IFT140: variants seen among roughly 807,000 people sequenced by gnomAD.
The protein encoded by IFT140 is intraflagellar transport protein 140 homolog.
In IFT140, 133 loss-of-function variants were observed where a neutral mutation model predicts 164.6. That is an observed-to-expected ratio of 0.81 (90% confidence interval 0.70 to 0.93). IFT140 has a LOEUF of 0.93. Ranked by LOEUF, IFT140 falls within the 40% of genes least tolerant of loss-of-function variation. The pLI, the probability that IFT140 is intolerant of heterozygous loss-of-function variation, is 0.00. For missense variants in IFT140, 2,045 were observed against 1,972.3 expected (o/e 1.04, Z -0.70); for synonymous variants, 860 against 817.3 (o/e 1.05, Z -0.89).
rs369222751 is a variant in IFT140 at position 1,542,432 on chromosome 16, C to G, written c.2399+15503G>C. 2.0e-5 allele frequency among the ~76,000 whole-genome samples: 3 copies of G among 152,248 alleles called. No individual in the cohort carries two copies. The East Asian group carries it at 5.8e-4, about 29-fold the overall frequency. On this transcript the variant is annotated intron_variant, in intron 19 of 30. Transcript: ENST00000426508. ...CACATGGGGCAGCCTGGGTCCTGCC[C>G]CTTCCTCAATGCTGAGGCAGCTGGT...
At chr16:1,572,391 A>G (rs1160254031) in intron 13 of IFT140, among the ~76,000 whole-genome samples, 2 of 152,248 alleles carry the variant, frequency 1.3e-5, no homozygotes, top group Non-Finnish European at 2.9e-5. Flanking sequence ...TCACGCCTGT[A>G]ATCCCAGCAC....
In IFT140 at chr16:1,595,691, A is replaced by G. The variant is rs117764346; in HGVS notation, c.370-3103T>C. Among the ~76,000 whole-genome samples the G allele has an allele frequency of 5.8e-4, 89 of 152,302 alleles. 1 individual carries two copies. In the East Asian group the frequency reaches 0.017, roughly 28 times the overall value. ...AAAATAGCATGTGGCATGTAAGTAC[A>G]CGTCATAGGAATAGTGTATATTATC... is the stretch of plus-strand genomic sequence containing the variant. On this transcript the variant is annotated intron_variant, in intron 4 of 30. Transcript: ENST00000426508.
chr16:1,587,739 C>T (rs557343991), intron 8 of IFT140, among the ~76,000 whole-genome samples, 194 bp downstream of exon 8: 22 of 152,268 alleles, frequency 1.4e-4, no homozygotes, highest in African/African-American at 2.6e-4. Context: ...TGCAGTGGGG[C>T]GGGCAGGGAC....
rs752580310 is a variant in IFT140, at chr16:1,564,672, A to G, written c.1902-510T>C. 1.3e-5 allele frequency among the ~76,000 whole-genome samples: 2 copies of G among 152,176 alleles called. No homozygotes were observed. Among genetic ancestry groups the G allele is most frequent in the African/African-American group, 2.4e-5 (1 of 41,458 alleles). ...CAACAAAATGCTGTGGGGAAACACA[A>G]TGATGTGCCGGCAGACGACACACAA... On this transcript the variant is annotated intron_variant, in intron 16 of 30. Coordinates refer to ENST00000426508, the MANE Select transcript of IFT140 (RefSeq NM_014714.4). This position sits in a 1 kb window ranked among gnomAD's most constrained non-coding sequence, Gnocchi z 5.5.
At chr16:1,576,484 C>A (rs1270663680) in intron 13 of IFT140, among the ~76,000 whole-genome samples, 4 of 150,356 alleles carry the variant, frequency 2.7e-5, no homozygotes, top group Non-Finnish European at 5.9e-5. Flanking sequence ...CCCAGCTACT[C>A]GGGAGGCTGA....
At chr16:1,603,122 C>G (rs1307221168) in intron 3 of IFT140, among the ~76,000 whole-genome samples, 2 of 152,202 alleles carry the variant, frequency 1.3e-5, no homozygotes, top group African/African-American at 2.4e-5. Context: ...TTGTGCTCAG[C>G]TGGCAACCCC....
rs1319309528 is a variant in IFT140 at position 1,554,182 on chromosome 16, C to G, written c.2399+3753G>C. The G allele has an allele frequency of 4.0e-5, 49 of 1,239,948 alleles. No individual in the cohort carries two copies. In the Middle Eastern group the frequency reaches 1.7e-3, roughly 44 times the overall value. The allele number at this position is 1,239,948 out of a possible 1,614,324, so 76.8% of individuals were successfully genotyped here. ...GACAAGGCCCTGGCCCCATCTCCGCCCTGCCTGAGCTGCAGACTCCAGGCC... is the reference window on the plus strand; with the variant it reads ...GACAAGGCCCTGGCCCCATCTCCGCGCTGCCTGAGCTGCAGACTCCAGGCC... On this transcript the variant is annotated intron_variant, in intron 19 of 30. Transcript: ENST00000426508.
intron 4 of IFT140, among the ~76,000 whole-genome samples, chr16:1,596,013 G>A (rs993109496): frequency 3.0e-4 from 45 of 152,096 alleles, no homozygotes; most frequent in African/African-American, 1.1e-3. Context: ...CCAAGATCCC[G>A]CCACTGCACT....
chr16:1,557,982 G>A lies in IFT140; in HGVS notation c.2352C>T (p.Thr784=). The change falls in exon 19 of 31, where the codon ACC becomes ACT. Residue 784 remains threonine, a synonymous_variant. Coordinates refer to ENST00000426508, the MANE Select transcript of IFT140 (RefSeq NM_014714.4). ...TGAAGGCTTCGTCCATGTCTCCTAT[G>A]GTGACAAAGAAGCTGAAGTGGAGCA... ...DAMLHFSFFV[T]IGDMDEAFKS... 3 of 1,613,928 alleles carry A rather than the reference G, an allele frequency of 1.9e-6. No individual in the cohort carries two copies. Among genetic ancestry groups the A allele is most frequent in the Middle Eastern group, 1.7e-4 (1 of 5,856 alleles).
Position 1,589,537 on chromosome 16 carries a change from G to A in IFT140, c.810+68C>T, listed in dbSNP as rs1204888403. The A allele has an allele frequency of 2.7e-5, 41 of 1,521,674 alleles. 1 individual carries two copies. The South Asian group carries it at 3.5e-4, about 13-fold the overall frequency. The allele number at this position is 1,521,674 out of a possible 1,614,324, so 94.3% of individuals were successfully genotyped here. A position where few individuals can be genotyped will look rare whatever the true frequency, so the allele number is the denominator to read the frequency against. On this transcript the variant is annotated intron_variant, in intron 7 of 30. Transcript: ENST00000426508. ...CTTGCTATCCAGAAGAGAAAGGGCC[G>A]TCAACGAGGCCAGAGAGAACCTGGC...
At chr16:1,512,028 G>A (rs542619874) in intron 30 of IFT140, among the ~76,000 whole-genome samples, 113 of 151,038 alleles carry the variant, frequency 7.5e-4, no homozygotes, top group Non-Finnish European at 1.5e-3. Context: ...GGCCTGGTGC[G>A]TGTGACTGCT....
chr16:1,609,799 T>C (rs567361089), intron 2 of IFT140, among the ~76,000 whole-genome samples: 2 of 152,332 alleles, frequency 1.3e-5, no homozygotes, highest in Non-Finnish European at 2.9e-5. Flanking sequence ...GACAATAAAA[T>C]AGTTATGTAC....
intron 16 of IFT140, 141 bp downstream of exon 16, chr16:1,566,020 T>A (rs2033692761): frequency 2.8e-6 from 2 of 708,478 alleles, no homozygotes; most frequent in Admixed American, 4.6e-5. Context: ...AGAGTGTGCT[T>A]CTGTTTTCCT....
intron 19 of IFT140, among the ~76,000 whole-genome samples, chr16:1,543,121 G>A (rs111483209): frequency 6.6e-6 from 1 of 152,356 alleles, no homozygotes; most frequent in African/African-American, 2.4e-5. Context: ...GGTGCCCGCA[G>A]AGACAGGGAC....
rs188044216 is a variant in IFT140 at position 1,528,405 on chromosome 16, A to G, written c.2400-1609T>C. Among the ~76,000 whole-genome samples, 274 of 146,976 alleles carry G rather than the reference A, an allele frequency of 1.9e-3. 1 individual carries two copies. Among genetic ancestry groups the G allele is most frequent in the Non-Finnish European group, 2.8e-3 (187 of 67,132 alleles). ...CACGTGTGCACACACACGGATGCACACACATGGACGCACATGCACACACAG... is the reference window on the plus strand; with the variant it reads ...CACGTGTGCACACACACGGATGCACGCACATGGACGCACATGCACACACAG... On this transcript the variant is annotated intron_variant, in intron 19 of 30. Transcript: ENST00000426508.
rs778119130 is a variant in IFT140 at position 1,583,412 on chromosome 16, G to A, written c.1360-26C>T. 10 of 1,609,072 alleles carry A rather than the reference G, an allele frequency of 6.2e-6. No homozygotes were observed. In the South Asian group the frequency reaches 9.9e-5, roughly 16 times the overall value. On this transcript the variant is annotated intron_variant, in intron 11 of 30. Coordinates refer to ENST00000426508, the MANE Select transcript of IFT140 (RefSeq NM_014714.4). Reference sequence around the variant, plus strand: ...CTGAAAAGAACCACGGACATTCGAGGCAAAGGGCGGGAAAAGTGAGGTGCA... The same window carrying A: ...CTGAAAAGAACCACGGACATTCGAGACAAAGGGCGGGAAAAGTGAGGTGCA...
At chr16:1,587,131 T>C (rs1319031294) in intron 9 of IFT140, 67 bp downstream of exon 9, 1 of 1,002,740 alleles carries the variant, frequency 1.0e-6, no homozygotes, top group Non-Finnish European at 1.6e-6. Context: ...ACTACCATTA[T>C]TTTGCAGCCG....
chr16:1,565,030 G>A (rs186162465), intron 16 of IFT140, among the ~76,000 whole-genome samples: 3 of 152,318 alleles, frequency 2.0e-5, no homozygotes, highest in East Asian at 1.9e-4. Context: ...AGGTGAGACC[G>A]GCCTGGTACG....
chr16:1,606,893 C>T (rs1343481865), intron 3 of IFT140, among the ~76,000 whole-genome samples: 1 of 151,680 alleles, frequency 6.6e-6, no homozygotes, highest in Non-Finnish European at 1.5e-5. Flanking sequence ...TACAGATGCA[C>T]ACACACACCC....
Sources: allele counts gnomAD v4.1 joint callset (sites outside exome capture counted in the v4.1 genomes callset), GRCh38; gene constraint gnomAD v4.1.1; non-coding constraint Gnocchi (gnomAD v3.1); transcripts MANE v1.5; gene names NCBI Gene and HGNC (gene_info 2026-07-23, HGNC 2026-07-21).